The following SH3D19 variants were observed in gnomAD, a reference collection of about 807,000 sequenced individuals.
SH3D19 encodes the protein SH3 domain-containing protein 19.
Under a neutral mutation model 112.1 loss-of-function variants are expected in SH3D19, and 58 were observed. The observed-to-expected ratio is 0.52, with a 90% CI of 0.42 to 0.64. The LOEUF is 0.64. SH3D19 is among the 30% of genes least tolerant of loss of function. The probability of loss-of-function intolerance (pLI) is 0.00; values close to 1 mark genes in which losing one functional copy is unlikely to be tolerated. For synonymous variants in SH3D19, 391 were observed against 448.5 expected, an observed-to-expected ratio of 0.87 and a Z score of 1.62; for missense variants, 1,090 against 1,263.4, an observed-to-expected ratio of 0.86 and a Z score of 2.08.
At chr4:151,231,007 T>C (rs1185093485) in intron 1 of SH3D19, among the ~76,000 whole-genome samples, 1 of 152,212 alleles carries the variant, frequency 6.6e-6, no homozygotes, top group Non-Finnish European at 1.5e-5. Flanking sequence ...ATATACGGTA[T>C]ATATTATTTT....
intron 19 of SH3D19, among the ~76,000 whole-genome samples, chr4:151,124,680 T>A (rs1200654432): frequency 6.6e-6 from 1 of 151,834 alleles, no homozygotes; most frequent in Admixed American, 6.6e-5. Flanking sequence ...ATCGCGCCGC[T>A]GACTGCACTC....
At chr4:151,270,062 T>C (rs943187796) in intron 1 of SH3D19, among the ~76,000 whole-genome samples, 4 of 151,968 alleles carry the variant, frequency 2.6e-5, no homozygotes, top group Admixed American at 2.6e-4. Flanking sequence ...CAGTTAACTT[T>C]TTTTTTTTTT....
In SH3D19 at chr4:151,291,402, C is replaced by T. The variant is rs766867911; in HGVS notation, c.112+33839G>A. 3.7e-6 allele frequency: 6 copies of T among 1,613,832 alleles called. No individual in the cohort carries two copies. The African/African-American group carries it at 8.0e-5, about 22-fold the overall frequency. On this transcript the variant is annotated intron_variant, in intron 1 of 19. Coordinates refer to ENST00000604030, the MANE Select transcript of SH3D19 (RefSeq NM_001378122.1). ...GCACTGTAGCTGAAGCTGTTGCTTG[C>T]ATACAGGGCTGGGAAGAGAATGCAT...
chr4:151,212,615 AATATT>A lies in SH3D19; in HGVS notation c.152+13427_152+13431del, dbSNP rs1211315400. Among the ~76,000 whole-genome samples the A allele has an allele frequency of 3.3e-5, 5 of 152,210 alleles. No individual in the cohort carries two copies. The East Asian group carries it at 9.6e-4, about 29-fold the overall frequency. On this transcript the variant is annotated intron_variant, in intron 2 of 19. Coordinates refer to ENST00000604030, the MANE Select transcript of SH3D19 (RefSeq NM_001378122.1). ...GCTCAGGAAAAAAGATTCCTTTCAA[AATATT>A]ACTGCTCATTGACAATGCACCTGGT...
At chr4:151,226,327 C>A in intron 1 of SH3D19, 1 of 1,170,758 alleles carries the variant, frequency 8.5e-7, no homozygotes, top group East Asian at 3.8e-5. Context: ...TGCATCATTA[C>A]ATGCATTATT....
At chr4:151,269,308 ATTTG>A (rs1773056468) in intron 1 of SH3D19, among the ~76,000 whole-genome samples, 1 of 151,838 alleles carries the variant, frequency 6.6e-6, no homozygotes, top group Non-Finnish European at 1.5e-5. Flanking sequence ...TTTCTTGTAA[ATTTG>A]TTTGAGTTCA....
Position 151,137,864 on chromosome 4 carries a change from T to C in SH3D19, c.2297-2A>G. The C allele has an allele frequency of 6.3e-7, 1 of 1,589,388 alleles. No individual in the cohort carries two copies. Among genetic ancestry groups the C allele is most frequent in the Non-Finnish European group, 8.5e-7 (1 of 1,172,872 alleles). ...TGAGGTTCAAATCATCAACTTGCTCTGTAATATAAAATTATAGTTATGTAT... is the reference window on the plus strand; with the variant it reads ...TGAGGTTCAAATCATCAACTTGCTCCGTAATATAAAATTATAGTTATGTAT... On this transcript the variant is annotated splice_acceptor_variant, in intron 13 of 19. Coordinates refer to ENST00000604030, the MANE Select transcript of SH3D19 (RefSeq NM_001378122.1). LOFTEE classifies it high-confidence loss of function.
intron 1 of SH3D19, chr4:151,282,268 G>A (rs1292426006): frequency 1.2e-6 from 2 of 1,613,912 alleles, no homozygotes; most frequent in South Asian, 1.1e-5. Context: ...AAGATACAAC[G>A]GCAGACGTCG....
chr4:151,188,604 T>C (rs942420924), intron 2 of SH3D19, among the ~76,000 whole-genome samples: 1 of 152,210 alleles, frequency 6.6e-6, no homozygotes, highest in African/African-American at 2.4e-5. Context: ...GGATACTCAA[T>C]CTTAATATGG....
At chr4:151,296,310 A>G (rs1775713689) in intron 1 of SH3D19, among the ~76,000 whole-genome samples, 1 of 152,170 alleles carries the variant, frequency 6.6e-6, no homozygotes, top group Non-Finnish European at 1.5e-5. Context: ...CTACCTATGT[A>G]CATTTTGTTT....
intron 8 of SH3D19, among the ~76,000 whole-genome samples, chr4:151,160,748 G>T (rs904740943): frequency 6.7e-6 from 1 of 149,280 alleles, no homozygotes; most frequent in East Asian, 2.0e-4. Context: ...ATAACAAGAA[G>T]ATGATTTGTC....
At chr4:151,271,985 G>A (rs1317040616) in intron 1 of SH3D19, among the ~76,000 whole-genome samples, 2 of 152,150 alleles carry the variant, frequency 1.3e-5, no homozygotes, top group African/African-American at 2.4e-5. Context: ...GACACGGCAC[G>A]ATGAGAGAGG....
chr4:151,151,938 T>G (rs1272557404), intron 9 of SH3D19, among the ~76,000 whole-genome samples: 1 of 152,220 alleles, frequency 6.6e-6, no homozygotes, highest in Non-Finnish European at 1.5e-5. Flanking sequence ...ATGCAGATGA[T>G]GTACTGTAAT....
chr4:151,313,553 A>G (rs111426593), intron 1 of SH3D19, among the ~76,000 whole-genome samples: 3 of 152,250 alleles, frequency 2.0e-5, no homozygotes, highest in Admixed American at 6.5e-5. Context: ...AGTAGCTGGG[A>G]CTACAGGCAC....
At chr4:151,140,060 A>G (rs1752712301) in intron 12 of SH3D19, 1 of 484,494 alleles carries the variant, frequency 2.1e-6, no homozygotes, top group Non-Finnish European at 3.6e-6. Context: ...GAAAATCTCA[A>G]TTAAAATATC....
chr4:151,149,356 T>C (rs1253228372), intron 10 of SH3D19, 144 bp downstream of exon 10: 6 of 587,128 alleles, frequency 1.0e-5, no homozygotes, highest in Non-Finnish European at 1.8e-5. Context: ...GAGCAGACAG[T>C]GGATTAGGGG....
Position 151,175,443 on chromosome 4 carries a change from G to A in SH3D19, c.761C>T (p.Ala254Val). 6.6e-7 allele frequency: 1 copy of A among 1,515,108 alleles called. No homozygotes were observed. Among genetic ancestry groups the A allele is most frequent in the East Asian group, 2.3e-5 (1 of 43,904 alleles). The allele number at this position is 1,515,108 out of a possible 1,614,324, so 93.9% of individuals were successfully genotyped here. ...TGGGGATGACTCCTCTCCTACGGCTGCTGGGCTGATTTTCTGTTGACTTTG... is the reference window on the plus strand; with the variant it reads ...TGGGGATGACTCCTCTCCTACGGCTACTGGGCTGATTTTCTGTTGACTTTG... The part of the protein sequence containing the change: ...KEQSQQKISP[A>V]AVGEESSPGR... The change falls in exon 7 of 20, where the codon GCA (alanine) becomes GTA (valine). Residue 254 changes from alanine (A) to valine (V), a missense_variant. Physicochemically the swap from Ala to Val is moderately conservative, Grantham distance 64. Transcript: ENST00000604030.
At chr4:151,170,636 A>T (rs1383507002) in intron 7 of SH3D19, 1 of 152,164 alleles carries the variant, frequency 6.6e-6, no homozygotes, top group Non-Finnish European at 1.5e-5. Flanking sequence ...TACTTATCAG[A>T]ATCTGAGGGT....
chr4:151,282,282 T>C lies in SH3D19; in HGVS notation c.112+42959A>G, dbSNP rs764049091. ...CAAGATACAACGGCAGACGTCGCCT[T>C]GTTGAAACTGTCCTCTCAAGTCACC... On this transcript the variant is annotated intron_variant, in intron 1 of 19. Transcript: ENST00000604030. 195 of 1,613,868 alleles carry C rather than the reference T, an allele frequency of 1.2e-4. No homozygotes were observed. The highest frequency in any genetic ancestry group is 1.5e-4 in the Non-Finnish European group (176 of 1,179,900).
Sources: allele counts gnomAD v4.1 joint callset (sites outside exome capture counted in the v4.1 genomes callset), GRCh38; gene constraint gnomAD v4.1.1; transcripts MANE v1.5; gene names NCBI Gene and HGNC (gene_info 2026-07-23, HGNC 2026-07-21).